CDH16: variants seen among roughly 807,000 people sequenced by gnomAD.
The protein encoded by CDH16 is cadherin 16.
In CDH16, 79 loss-of-function variants were observed where a neutral mutation model predicts 87.6. The observed-to-expected ratio is 0.90, with a 90% CI of 0.75 to 1.09. The LOEUF (loss-of-function observed/expected upper bound fraction) is 1.09, where lower values mean the gene tolerates loss of function less well. CDH16 is among the 50% of genes least tolerant of loss of function. The probability of loss-of-function intolerance (pLI) is 0.00; values close to 1 mark genes in which losing one functional copy is unlikely to be tolerated. For missense variants in CDH16, 1,124 were observed against 1,071.7 expected (o/e 1.05, Z -0.68); for synonymous variants, 457 against 439.5 (o/e 1.04, Z -0.50).
chr16:66,913,126 C>A lies in CDH16; in HGVS notation c.1054+5G>T, dbSNP rs777994740. The A allele has an allele frequency of 6.2e-7, 1 of 1,604,412 alleles. No homozygotes were observed. The highest frequency in any genetic ancestry group is 1.3e-5 in the African/African-American group (1 of 74,718). ...ACTTCGTCCCTCTCCCATCCTGTAG[C>A]TCACCTGGTGGACTGAGCTCAGGGA... On this transcript the variant is annotated splice_donor_5th_base_variant and intron_variant, in intron 9 of 17. Coordinates refer to ENST00000299752, the MANE Select transcript of CDH16 (RefSeq NM_004062.4).
At position 66,915,260 on chromosome 16, in the gene CDH16, C is replaced by A; in HGVS notation, c.543G>T (p.Gln181His). 1 of 1,613,590 alleles carries A rather than the reference C, an allele frequency of 6.2e-7. No individual in the cohort carries two copies. ...APAQPSPDMF[Q>H]LEPRLGALAL... Reference sequence around the variant, plus strand: ...CCAGAGCCCCCAGCCGAGGCTCCAGCTGGAACATGTCTGGGGAAGGCTGGG... The same window carrying A: ...CCAGAGCCCCCAGCCGAGGCTCCAGATGGAACATGTCTGGGGAAGGCTGGG... Residue 181 changes from glutamine (Q) to histidine (H), a missense_variant, in exon 6 of 18, where the codon CAG (glutamine) becomes CAT (histidine). Coordinates refer to ENST00000299752, the MANE Select transcript of CDH16 (RefSeq NM_004062.4).
At chr16:66,911,434 C>T (rs1422515792) in intron 13 of CDH16, 119 bp from the exon 14 acceptor site, 1 of 1,041,198 alleles carries the variant, frequency 9.6e-7, no homozygotes, top group African/African-American at 1.6e-5. Context: ...TCAGGGGCCA[C>T]AGCAAAGCCT....
chr16:66,912,247 A>C lies in CDH16; in HGVS notation c.1543T>G (p.Cys515Gly), dbSNP rs1962455913. The change falls in exon 12 of 18, where the codon TGC (cysteine) becomes GGC (glycine). Residue 515 changes from cysteine to glycine, a missense_variant. Coordinates refer to ENST00000299752, the MANE Select transcript of CDH16 (RefSeq NM_004062.4). ...CCAGCTACCCAGGCCCTCACCTTGC[A>C]GAGTCTGAGTCTAACATGCCCAGAG... ...PDSGHVRLRL[C>G]KNLSYEAAPS... The C allele has an allele frequency of 6.2e-7, 1 of 1,607,866 alleles. No homozygotes were observed. Among genetic ancestry groups the C allele is most frequent in the African/African-American group, 1.3e-5 (1 of 74,830 alleles).
Position 66,908,489 on chromosome 16 carries a change from C to G in CDH16, c.2393G>C (p.Gly798Ala). The change falls in exon 18 of 18, where the codon GGA becomes GCA. Residue 798 changes from glycine to alanine, a missense_variant and splice_region_variant. Gly to Ala is a moderately conservative substitution (Grantham distance 60, BLOSUM62 0). Transcript: ENST00000299752. ...GILVGTLVAIGIFLILIFTHW... is the reference protein window; with the variant it reads ...GILVGTLVAIAIFLILIFTHW... The stretch of plus-strand genomic sequence containing the variant: ...GGTGAAAATGAGGATGAGGAAGATT[C>G]CTGTGGGGCCCAAGAGGGATGTATC... The G allele has an allele frequency of 6.2e-7, 1 of 1,613,196 alleles. No individual in the cohort carries two copies. The highest frequency in any genetic ancestry group is 8.5e-7 in the Non-Finnish European group (1 of 1,179,196).
rs769611487 is a variant in CDH16 at position 66,915,291 on chromosome 16, G to T, written c.512C>A (p.Ala171Asp). 6.2e-7 allele frequency: 1 copy of T among 1,614,036 alleles called. No homozygotes were observed. Among genetic ancestry groups the T allele is most frequent in the Non-Finnish European group, 8.5e-7 (1 of 1,180,020 alleles). ...CATGTCTGGGGAAGGCTGGGCTGGAGCCTGGCTCAGGATGTGGAATCGAAG... is the reference window on the plus strand; with the variant it reads ...CATGTCTGGGGAAGGCTGGGCTGGATCCTGGCTCAGGATGTGGAATCGAAG... ...SDLRFHILSQ[A>D]PAQPSPDMFQ... Residue 171 changes from alanine to aspartate, a missense_variant, in exon 6 of 18, where the codon GCT (alanine) becomes GAT (aspartate). Ala to Asp is a moderately radical substitution (Grantham distance 126). Transcript: ENST00000299752.
At chr16:66,915,771 C>T (rs1488876233) in intron 5 of CDH16, among the ~76,000 whole-genome samples, 1 of 152,208 alleles carries the variant, frequency 6.6e-6, no homozygotes, top group African/African-American at 2.4e-5. Flanking sequence ...TGGCGGGTGC[C>T]TGTAATCCCA....
chr16:66,916,022 G>A lies in CDH16; in HGVS notation c.424+43C>T, dbSNP rs760033799. ...CTTCGCTCTCTGCTGTTCCATCAAG[G>A]CCCACCTGACCTTACTGTAAATTGG... On this transcript the variant is annotated intron_variant, in intron 5 of 17. Coordinates refer to ENST00000299752, the MANE Select transcript of CDH16 (RefSeq NM_004062.4). The surrounding 1 kb of genome is among the most constrained non-coding windows in gnomAD (Gnocchi z 4.1). 1.9e-5 allele frequency: 30 copies of A among 1,612,296 alleles called. No homozygotes were observed. The highest frequency in any genetic ancestry group is 2.5e-5 in the Non-Finnish European group (29 of 1,179,414).
chr16:66,916,127 T>C lies in CDH16; in HGVS notation c.362A>G (p.Asp121Gly), dbSNP rs1201679088. 1.2e-6 allele frequency: 2 copies of C among 1,614,094 alleles called. No individual in the cohort carries two copies. The highest frequency in any genetic ancestry group is 1.7e-6 in the Non-Finnish European group (2 of 1,180,052). The change falls in exon 5 of 18, where the codon GAC becomes GGC. Residue 121 changes from aspartate (D) to glycine (G), a missense_variant. Coordinates refer to ENST00000299752, the MANE Select transcript of CDH16 (RefSeq NM_004062.4). This position sits in a 1 kb window ranked among gnomAD's most constrained non-coding sequence, Gnocchi z 4.1. ...GGCTTGAGAGAAATGGGGCACCTGG[T>C]CATTCTCATCCTTCACGTGCACAAG... is the stretch of plus-strand genomic sequence containing the variant. Reference protein sequence around the residue: ...PVLVHVKDENDQVPHFSQAIY... With the variant: ...PVLVHVKDENGQVPHFSQAIY...
rs765711660 is a variant in CDH16, at chr16:66,915,221, CT to C, written c.581del (p.Lys194ArgfsTer41). 1.1e-5 allele frequency: 18 copies of C among 1,610,188 alleles called. No individual in the cohort carries two copies. The highest frequency in any genetic ancestry group is 1.4e-5 in the Non-Finnish European group (16 of 1,179,050). ...PRLGALALSP[K>X]GSTSLDHALE... Reference sequence around the variant, plus strand: ...CCAGCACACCCCGCTCGGGCTTACCCTTGGGGCTGAGGGCCAGAGCCCCCAG... The same window carrying C: ...CCAGCACACCCCGCTCGGGCTTACCCTGGGGCTGAGGGCCAGAGCCCCCAG... On this transcript the variant is annotated frameshift_variant and splice_region_variant, in exon 6 of 18. Coordinates refer to ENST00000299752, the MANE Select transcript of CDH16 (RefSeq NM_004062.4). LOFTEE classifies it high-confidence loss of function.
chr16:66,910,181 G>A, intron 15 of CDH16, 79 bp downstream of exon 15: 2 of 1,552,690 alleles, frequency 1.3e-6, no homozygotes, highest in African/African-American at 1.4e-5. Flanking sequence ...CCACCCCCAT[G>A]GTAGAAGGGT....
chr16:66,913,645 A>G (rs1168813176), intron 7 of CDH16, 32 bp from the exon 8 acceptor site: 1 of 1,611,818 alleles, frequency 6.2e-7, no homozygotes, highest in East Asian at 2.2e-5. Flanking sequence ...AAGGGGCAGG[A>G]ACAATCCATG....
intron 14 of CDH16, chr16:66,910,846 G>T: frequency 2.7e-6 from 1 of 373,960 alleles, no homozygotes. Flanking sequence ...TCCTTCCCCA[G>T]GGGCAGCCCC....
Position 66,916,049 on chromosome 16 carries a change from T to C in CDH16, c.424+16A>G. On this transcript the variant is annotated intron_variant, in intron 5 of 17. Coordinates refer to ENST00000299752, the MANE Select transcript of CDH16 (RefSeq NM_004062.4). The surrounding 1 kb of genome is among the most constrained non-coding windows in gnomAD (Gnocchi z 4.1). ...CCACCTGACCTTACTGTAAATTGGCTGCCCTGGTCACTCACCAGGCCTGGT... is the reference window on the plus strand; with the variant it reads ...CCACCTGACCTTACTGTAAATTGGCCGCCCTGGTCACTCACCAGGCCTGGT... The C allele has an allele frequency of 6.2e-7, 1 of 1,614,054 alleles. No individual in the cohort carries two copies. The highest frequency in any genetic ancestry group is 1.7e-5 in the Admixed American group (1 of 60,032).
Position 66,909,406 on chromosome 16 carries a change from T to C in CDH16, c.2276-23A>G. 1 of 1,227,304 alleles carries C rather than the reference T, an allele frequency of 8.1e-7. No homozygotes were observed. The highest frequency in any genetic ancestry group is 1.2e-6 in the Non-Finnish European group (1 of 849,980). 76.0% of individuals were successfully genotyped at this position (1,227,304 alleles called of 1,614,324 possible). ...TCACTGAGGGGAGAGGGGAGGAAGG[T>C]AAGGGGAGGGAGGGGAGGGCTCCCC... On this transcript the variant is annotated intron_variant, in intron 16 of 17. Transcript: ENST00000299752. The surrounding 1 kb of genome is among the most constrained non-coding windows in gnomAD (Gnocchi z 4.1).
chr16:66,912,995 T>C, intron 9 of CDH16, 104 bp from the exon 10 acceptor site: 2 of 638,562 alleles, frequency 3.1e-6, no homozygotes, highest in Non-Finnish European at 2.2e-6. Context: ...TGAGCTCGTG[T>C]GTGTGTGTGT....
Position 66,914,415 on chromosome 16 carries a change from A to C in CDH16, c.584-3T>G. The C allele has an allele frequency of 6.2e-7, 1 of 1,607,506 alleles. No homozygotes were observed. Among genetic ancestry groups the C allele is most frequent in the Non-Finnish European group, 8.5e-7 (1 of 1,174,740 alleles). ...GGCGTGGTCAAGGCTGGTGCTCCCTAGAACAGGGAGGATGGTCAGCTGAGC... is the reference window on the plus strand; with the variant it reads ...GGCGTGGTCAAGGCTGGTGCTCCCTCGAACAGGGAGGATGGTCAGCTGAGC... On this transcript the variant is annotated splice_polypyrimidine_tract_variant and splice_region_variant and intron_variant, in intron 6 of 17. Transcript: ENST00000299752.
Position 66,909,048 on chromosome 16 carries a change from C to T in CDH16, c.2392+219G>A, listed in dbSNP as rs944646045. 6.6e-6 allele frequency among the ~76,000 whole-genome samples: 1 copy of T among 152,196 alleles called. No individual in the cohort carries two copies. Among genetic ancestry groups the T allele is most frequent in the African/African-American group, 2.4e-5 (1 of 41,440 alleles). Reference sequence around the variant, plus strand: ...CTGGGAGGATTCCTGGCAATAGTCCCTGCCACACAGTCAATGTGCAATCAT... The same window carrying T: ...CTGGGAGGATTCCTGGCAATAGTCCTTGCCACACAGTCAATGTGCAATCAT... On this transcript the variant is annotated intron_variant, in intron 17 of 17. Coordinates refer to ENST00000299752, the MANE Select transcript of CDH16 (RefSeq NM_004062.4). This position sits in a 1 kb window ranked among gnomAD's most constrained non-coding sequence, Gnocchi z 4.1.
intron 17 of CDH16, among the ~76,000 whole-genome samples, chr16:66,908,865 G>T (rs2065997543): frequency 6.6e-6 from 1 of 152,172 alleles, no homozygotes; most frequent in African/African-American, 2.4e-5. Context: ...AAATAAAGGG[G>T]ATAGAAGGGG....
At position 66,910,496 on chromosome 16, in the gene CDH16, G is replaced by T. The variant is rs769703996; in HGVS notation, c.1931C>A (p.Pro644Gln). ...VLVEAQDTDEPRLSASAPLVI... is the reference protein window; with the variant it reads ...VLVEAQDTDEQRLSASAPLVI... ...CAGGGGTGCAGAAGCGCTCAGTCTC[G>T]GCTCATCTGCAGAGGAGGCAGTGCT... is the stretch of plus-strand genomic sequence containing the variant. The change falls in exon 15 of 18, where the codon CCG (proline) becomes CAG (glutamine). Residue 644 changes from proline (P) to glutamine (Q), a missense_variant. Physicochemically the swap from Pro to Gln is moderately conservative, Grantham distance 76. Coordinates refer to ENST00000299752, the MANE Select transcript of CDH16 (RefSeq NM_004062.4). 10 of 1,521,414 alleles carry T rather than the reference G, an allele frequency of 6.6e-6. No homozygotes were observed. In the African/African-American group the frequency reaches 9.7e-5, roughly 15 times the overall value. The allele number at this position is 1,521,414 out of a possible 1,614,324, so 94.2% of individuals were successfully genotyped here.
Sources: allele counts gnomAD v4.1 joint callset (sites outside exome capture counted in the v4.1 genomes callset), GRCh38; gene constraint gnomAD v4.1.1; non-coding constraint Gnocchi (gnomAD v3.1); transcripts MANE v1.5; gene names NCBI Gene and HGNC (gene_info 2026-07-23, HGNC 2026-07-21).